RFC3: variants seen among roughly 807,000 people sequenced by gnomAD.
RFC3 encodes replication factor C subunit 3, also known as A1 38 kDa subunit.
A neutral mutation model predicts 45.1 loss-of-function variants in RFC3; 41 were observed. The observed-to-expected ratio is 0.91, with a 90% confidence interval of 0.71 to 1.18. The LOEUF is 1.18. Ranked by LOEUF, RFC3 falls within the 50% of genes most tolerant of loss-of-function variation. The pLI is 0.00. For synonymous variants in RFC3, 149 were observed against 144.0 expected (o/e 1.03, Z -0.25); for missense variants, 423 against 428.1 (o/e 0.99, Z 0.10).
intron 8 of RFC3, among the ~76,000 whole-genome samples, chr13:33,851,144 C>T (rs1413140849): frequency 6.6e-6 from 1 of 152,098 alleles, no homozygotes; most frequent in Non-Finnish European, 1.5e-5. Flanking sequence ...ATAATTAAAG[C>T]GTCTGCTGTA....
At chr13:33,896,500 GA>G (rs1034122045) in intron 8 of RFC3, among the ~76,000 whole-genome samples, 1 of 151,680 alleles carries the variant, frequency 6.6e-6, no homozygotes, top group Non-Finnish European at 1.5e-5. Flanking sequence ...AAGAAGGGTG[GA>G]TCACTTGAAG....
chr13:33,951,169 G>A (rs1767377372), intron 8 of RFC3, among the ~76,000 whole-genome samples: 2 of 145,618 alleles, frequency 1.4e-5, no homozygotes, highest in Admixed American at 1.4e-4. Flanking sequence ...TAGAATGTTA[G>A]TTTCTTAATG....
rs1443433587 is a variant in RFC3, at chr13:33,836,505, CT to C, written c.*213del. The stretch of plus-strand genomic sequence containing the variant: ...TGTAGTTTTGTACATAACTTAGAGA[CT>C]TTAGAGTCTAAGAAAATGATCTTAA... On this transcript the variant is annotated 3_prime_UTR_variant, in exon 9 of 9. Transcript: ENST00000380071. The C allele has an allele frequency of 7.8e-7, 1 of 1,274,512 alleles. No homozygotes were observed. Among genetic ancestry groups the C allele is most frequent in the Admixed American group, 3.5e-5 (1 of 28,550 alleles). The allele number at this position is 1,274,512 out of a possible 1,614,324, so 79.0% of individuals were successfully genotyped here.
intron 8 of RFC3, among the ~76,000 whole-genome samples, chr13:33,861,945 A>C (rs1462877128): frequency 2.0e-5 from 3 of 152,220 alleles, no homozygotes; most frequent in Non-Finnish European, 4.4e-5. Context: ...TCTAAGAAAC[A>C]TTAAATTTTA....
At chr13:33,921,416 G>A (rs1049246005) in intron 8 of RFC3, among the ~76,000 whole-genome samples, 4 of 152,146 alleles carry the variant, frequency 2.6e-5, no homozygotes, top group Non-Finnish European at 4.4e-5. Context: ...GTTCCAAACC[G>A]AGGGAAAAAC....
At position 33,937,318 on chromosome 13, in the gene RFC3, A is replaced by G. The variant is rs1019175833; in HGVS notation, c.880-28769A>G. Among the ~76,000 whole-genome samples, 40 of 152,186 alleles carry G rather than the reference A, an allele frequency of 2.6e-4. 1 individual carries two copies. The highest frequency in any genetic ancestry group is 9.4e-4 in the African/African-American group (39 of 41,460). On this transcript the variant is annotated intron_variant, in intron 8 of 8. Coordinates refer to the RFC3 transcript ENST00000434425. ...GGTTAGGTGTGTAGTAAGCTATACCATCTAGGTTTATGTAAGTACACTCTA... is the reference window on the plus strand; with the variant it reads ...GGTTAGGTGTGTAGTAAGCTATACCGTCTAGGTTTATGTAAGTACACTCTA...
chr13:33,878,126 G>C (rs968992219), intron 8 of RFC3, among the ~76,000 whole-genome samples: 1 of 152,172 alleles, frequency 6.6e-6, no homozygotes, highest in East Asian at 1.9e-4. Context: ...TCAATAAGTA[G>C]TAACTGCAGT....
chr13:33,888,747 CTT>C (rs569209303), intron 8 of RFC3, among the ~76,000 whole-genome samples: 36 of 136,638 alleles, frequency 2.6e-4, no homozygotes, highest in East Asian at 4.2e-4. Context: ...TAAAGAAAAT[CTT>C]TTTTTTTTTT....
intron 8 of RFC3, among the ~76,000 whole-genome samples, chr13:33,894,528 A>C (rs2082584751): frequency 6.6e-6 from 1 of 152,114 alleles, no homozygotes; most frequent in South Asian, 2.1e-4. Context: ...GCAAGTGGGA[A>C]GTGTGCTTCA....
At chr13:33,875,032 G>A (rs1413719987) in intron 8 of RFC3, among the ~76,000 whole-genome samples, 2 of 152,138 alleles carry the variant, frequency 1.3e-5, no homozygotes, top group African/African-American at 2.4e-5. Flanking sequence ...AGATTTACCC[G>A]GCGTCTTCCA....
At chr13:33,958,725 A>G (rs186020899) in intron 8 of RFC3, among the ~76,000 whole-genome samples, 1 of 152,280 alleles carries the variant, frequency 6.6e-6, no homozygotes, top group East Asian at 1.9e-4. Context: ...GTATGTTTTT[A>G]ATCCACCATA....
chr13:33,903,969 C>A (rs1288606084), intron 8 of RFC3, among the ~76,000 whole-genome samples: 1 of 152,102 alleles, frequency 6.6e-6, no homozygotes, highest in Non-Finnish European at 1.5e-5. Flanking sequence ...GTTTATTACA[C>A]TAACATCGTT....
At chr13:33,887,581 A>G (rs2082534425) in intron 8 of RFC3, among the ~76,000 whole-genome samples, 1 of 151,986 alleles carries the variant, frequency 6.6e-6, no homozygotes. Flanking sequence ...CCCATTTTGT[A>G]GGTTGCCTGT....
At chr13:33,867,091 C>A (rs1179429531) in intron 8 of RFC3, among the ~76,000 whole-genome samples, 3 of 152,152 alleles carry the variant, frequency 2.0e-5, no homozygotes, top group African/African-American at 7.2e-5. Context: ...ATAAAAGAAA[C>A]AAGGCAATGC....
intron 8 of RFC3, among the ~76,000 whole-genome samples, chr13:33,927,540 G>T (rs2082821847): frequency 6.6e-6 from 1 of 152,140 alleles, no homozygotes; most frequent in African/African-American, 2.4e-5. Flanking sequence ...AACTCTCCTT[G>T]TGCTGTTGTC....
intron 8 of RFC3, among the ~76,000 whole-genome samples, chr13:33,860,203 T>C (rs1208469727): frequency 3.3e-5 from 5 of 151,554 alleles, no homozygotes; most frequent in Non-Finnish European, 7.4e-5. Flanking sequence ...CATTTTGTTT[T>C]GGCAGCTGGA....
At chr13:33,933,428 C>T (rs2082865113) in intron 8 of RFC3, among the ~76,000 whole-genome samples, 1 of 152,012 alleles carries the variant, frequency 6.6e-6, no homozygotes, top group African/African-American at 2.4e-5. Context: ...TTTTTGTTAT[C>T]ATGGGTTCTA....
At chr13:33,956,207 A>G (rs960118667) in intron 8 of RFC3, among the ~76,000 whole-genome samples, 6 of 152,212 alleles carry the variant, frequency 3.9e-5, no homozygotes, top group African/African-American at 1.4e-4. Context: ...ATTAAAGTGT[A>G]TTTTCCTTTC....
chr13:33,902,228 A>G (rs901771800), intron 8 of RFC3, among the ~76,000 whole-genome samples: 2 of 152,108 alleles, frequency 1.3e-5, no homozygotes, highest in Non-Finnish European at 2.9e-5. Context: ...TGTTTGTTCA[A>G]GCATAACGCT....
Sources: allele counts gnomAD v4.1 joint callset (sites outside exome capture counted in the v4.1 genomes callset), GRCh38; gene constraint gnomAD v4.1.1; transcripts MANE v1.5; gene names NCBI Gene and HGNC (gene_info 2026-07-23, HGNC 2026-07-21).